Variants in TMEM127 observed in about 807,000 individuals in gnomAD.
TMEM127 encodes transmembrane protein 127.
TMEM127 carries 21 observed loss-of-function variants against 20.1 expected under a neutral mutation model. The ratio of observed to expected loss-of-function variants is 1.04; its 90% CI spans 0.74 to 1.50. The LOEUF (loss-of-function observed/expected upper bound fraction) is 1.50, where lower values mean the gene tolerates loss of function less well. Among genes scored for constraint, TMEM127 ranks in the 40% most tolerant of loss-of-function variants. The probability of loss-of-function intolerance (pLI) is 0.00; values close to 1 mark genes in which losing one functional copy is unlikely to be tolerated. For synonymous variants in TMEM127, 150 were observed against 144.7 expected, an observed-to-expected ratio of 1.04 and a Z score of -0.26; for missense variants, 303 against 317.4, an observed-to-expected ratio of 0.95 and a Z score of 0.34.
Position 96,251,831 on chromosome 2 carries a change from G to C in TMEM127, c.*1977C>G, listed in dbSNP as rs904107478. On this transcript the variant is annotated 3_prime_UTR_variant, in exon 4 of 4. Coordinates refer to ENST00000258439, the MANE Select transcript of TMEM127 (RefSeq NM_017849.4). ...TAAAAAGTGGGTTCCGGATCGTGCG[G>C]AACAGTCCACAGGGTCATTTACAGG... 2 of 233,200 alleles carry C rather than the reference G, an allele frequency of 8.6e-6. No individual in the cohort carries two copies. Among genetic ancestry groups the C allele is most frequent in the Non-Finnish European group, 1.7e-5 (2 of 117,828 alleles). 14.4% of individuals were successfully genotyped at this position (233,200 alleles called of 1,614,324 possible).
At chr2:96,259,007 C>T (rs1246491729) in intron 2 of TMEM127, among the ~76,000 whole-genome samples, 1 of 152,144 alleles carries the variant, frequency 6.6e-6, no homozygotes, top group Non-Finnish European at 1.5e-5. Flanking sequence ...ATTTGATTAT[C>T]CTTAAAAATG....
rs555968113 is a variant in TMEM127, at chr2:96,251,637, G to A, written c.*2171C>T. ...GACAGAAAAATGACAGGCAGCCATTGTCATTTCCATTCTTATTCGTGGTTT... is the reference window on the plus strand; with the variant it reads ...GACAGAAAAATGACAGGCAGCCATTATCATTTCCATTCTTATTCGTGGTTT... On this transcript the variant is annotated 3_prime_UTR_variant, in exon 4 of 4. Transcript: ENST00000258439. The A allele has an allele frequency of 2.1e-5, 5 of 233,040 alleles. No homozygotes were observed. The East Asian group carries it at 3.0e-4, about 14-fold the overall frequency. The allele number at this position is 233,040 out of a possible 1,614,324, so 14.4% of individuals were successfully genotyped here.
chr2:96,250,256 G>A lies in TMEM127; in HGVS notation c.*3552C>T, dbSNP rs1684060024. On this transcript the variant is annotated 3_prime_UTR_variant, in exon 4 of 4. Transcript: ENST00000258439. ...CTAACCTCGGCTCTTACCACCTCCT[G>A]GCCACCAGTGTGCTTTTGCTCTTGC... 1 of 232,966 alleles carries A rather than the reference G, an allele frequency of 4.3e-6. No individual in the cohort carries two copies. The highest frequency in any genetic ancestry group is 1.8e-4 in the South Asian group (1 of 5,526). The allele number at this position is 232,966 out of a possible 1,614,324, so 14.4% of individuals were successfully genotyped here.
At position 96,252,944 on chromosome 2, in the gene TMEM127, C is replaced by T. The variant is rs1459369998; in HGVS notation, c.*864G>A. On this transcript the variant is annotated 3_prime_UTR_variant, in exon 4 of 4. Coordinates refer to ENST00000258439, the MANE Select transcript of TMEM127 (RefSeq NM_017849.4). This position sits in a 1 kb window ranked among gnomAD's most constrained non-coding sequence, Gnocchi z 4.2. ...CCATGGGCTTGGAAGGAGCTACAGC[C>T]CCAAATATTGCAGAGCCAAAAGGAA... 3.0e-5 allele frequency: 7 copies of T among 233,158 alleles called. No homozygotes were observed. Among genetic ancestry groups the T allele is most frequent in the Non-Finnish European group, 5.9e-5 (7 of 118,082 alleles). 14.4% of individuals were successfully genotyped at this position (233,158 alleles called of 1,614,324 possible).
chr2:96,252,513 C>G lies in TMEM127; in HGVS notation c.*1295G>C, dbSNP rs1684114457. On this transcript the variant is annotated 3_prime_UTR_variant, in exon 4 of 4. Coordinates refer to ENST00000258439, the MANE Select transcript of TMEM127 (RefSeq NM_017849.4). The surrounding 1 kb of genome is among the most constrained non-coding windows in gnomAD (Gnocchi z 4.2). ...AGAGTGATGGCTGAGCAAGAAAGTC[C>G]CAGCAGCACACTGCAAGACCAGAGT... is the stretch of plus-strand genomic sequence containing the variant. The G allele has an allele frequency of 4.3e-6, 1 of 233,716 alleles. No homozygotes were observed. The highest frequency in any genetic ancestry group is 5.6e-5 in the Admixed American group (1 of 17,776). 14.5% of individuals were successfully genotyped at this position (233,716 alleles called of 1,614,324 possible).
At position 96,249,091 on chromosome 2, in the gene TMEM127, GGTGTGTGTGTGT is replaced by G. The variant is rs71301417; in HGVS notation, c.*4705_*4716del. ...GTGAGGAACCTGTGTGTGTGTGTGTGGTGTGTGTGTGTGTGTGTGTGTGTGTTTGAGATGGAG... is the reference window on the plus strand; with the variant it reads ...GTGAGGAACCTGTGTGTGTGTGTGTGGTGTGTGTGTGTGTTTGAGATGGAG... On this transcript the variant is annotated 3_prime_UTR_variant, in exon 4 of 4. Coordinates refer to ENST00000258439, the MANE Select transcript of TMEM127 (RefSeq NM_017849.4). The G allele has an allele frequency of 3.5e-5, 7 of 198,098 alleles. No homozygotes were observed. The highest frequency in any genetic ancestry group is 1.4e-4 in the African/African-American group (6 of 42,466). The allele number at this position is 198,098 out of a possible 1,614,324, so 12.3% of individuals were successfully genotyped here.
In TMEM127 at chr2:96,251,725, G is replaced by A. The variant is rs1051658517; in HGVS notation, c.*2083C>T. The A allele has an allele frequency of 4.3e-6, 1 of 232,724 alleles. No homozygotes were observed. The highest frequency in any genetic ancestry group is 2.2e-5 in the African/African-American group (1 of 45,220). The allele number at this position is 232,724 out of a possible 1,614,324, so 14.4% of individuals were successfully genotyped here. A position where few individuals can be genotyped will look rare whatever the true frequency, so the allele number is the denominator to read the frequency against. ...TCTAGAAAAAAAAACACAACCCGGG[G>A]AATTTATATGACAAACTATCAGTGT... On this transcript the variant is annotated 3_prime_UTR_variant, in exon 4 of 4. Transcript: ENST00000258439.
chr2:96,257,542 T>A (rs1558753766), intron 2 of TMEM127, among the ~76,000 whole-genome samples: 1 of 152,068 alleles, frequency 6.6e-6, no homozygotes, highest in Non-Finnish European at 1.5e-5. Flanking sequence ...CTGCAAAAGC[T>A]CCCAGAAGCA....
chr2:96,255,922 A>G (rs1179362385), intron 2 of TMEM127, among the ~76,000 whole-genome samples: 1 of 152,036 alleles, frequency 6.6e-6, no homozygotes, highest in African/African-American at 2.4e-5. Flanking sequence ...ACTGTAAGCT[A>G]TAATCACACC....
At position 96,265,203 on chromosome 2, in the gene TMEM127, G is replaced by T. The variant is rs1171618626; in HGVS notation, c.179C>A (p.Thr60Asn). The change falls in exon 2 of 4, where the codon ACC becomes AAC. Residue 60 changes from threonine (T) to asparagine (N), a missense_variant. Physicochemically the swap from Thr to Asn is moderately conservative, Grantham distance 65. Transcript: ENST00000258439. ...GACCCCCAGCTCCTGGCGCGAACAG[G>T]TGCCTCCGTGGATGTGCAACCAGGC... ...EPAWLHIHGG[T>N]CSRQELGVSD... The T allele has an allele frequency of 3.1e-6, 5 of 1,607,980 alleles. No homozygotes were observed. The highest frequency in any genetic ancestry group is 2.2e-5 in the East Asian group (1 of 44,752).
rs758306899 is a variant in TMEM127, at chr2:96,253,787, G to A, written c.*21C>T. 19 of 1,596,468 alleles carry A rather than the reference G, an allele frequency of 1.2e-5. No homozygotes were observed. The African/African-American group carries it at 2.4e-4, about 20-fold the overall frequency. On this transcript the variant is annotated 3_prime_UTR_variant, in exon 4 of 4. Coordinates refer to ENST00000258439, the MANE Select transcript of TMEM127 (RefSeq NM_017849.4). This position sits in a 1 kb window ranked among gnomAD's most constrained non-coding sequence, Gnocchi z 4.3. ...CAGAGTTGAGGGAGGGGCTGCCGAG[G>A]AAGAGAGCCCAGGGCTGGCATTAGG...
intron 2 of TMEM127, among the ~76,000 whole-genome samples, chr2:96,259,549 T>C (rs949014595): frequency 6.6e-6 from 1 of 152,216 alleles, no homozygotes; most frequent in Admixed American, 6.5e-5. Flanking sequence ...AAAAAAGGTT[T>C]GGGTCATTAA....
rs1684061138 is a variant in TMEM127, at chr2:96,250,326, C to A, written c.*3482G>T. ...TCCCTATCCCAGTTCACTCCCACATCAAGTGTGGCTCAAGCTGCGTCCTCC... is the reference window on the plus strand; with the variant it reads ...TCCCTATCCCAGTTCACTCCCACATAAAGTGTGGCTCAAGCTGCGTCCTCC... On this transcript the variant is annotated 3_prime_UTR_variant, in exon 4 of 4. Coordinates refer to ENST00000258439, the MANE Select transcript of TMEM127 (RefSeq NM_017849.4). 3 of 232,868 alleles carry A rather than the reference C, an allele frequency of 1.3e-5. No individual in the cohort carries two copies. The East Asian group carries it at 1.8e-4, about 14-fold the overall frequency. 14.4% of individuals were successfully genotyped at this position (232,868 alleles called of 1,614,324 possible). A position where few individuals can be genotyped will look rare whatever the true frequency, so the allele number is the denominator to read the frequency against.
intron 2 of TMEM127, among the ~76,000 whole-genome samples, chr2:96,257,357 G>T (rs766928062): frequency 5.9e-5 from 9 of 152,124 alleles, no homozygotes; most frequent in South Asian, 2.1e-4. Flanking sequence ...AGCTACTCGG[G>T]GGGCTGAGGC....
At chr2:96,263,084 C>A (rs1487221126) in intron 2 of TMEM127, among the ~76,000 whole-genome samples, 2 of 149,756 alleles carry the variant, frequency 1.3e-5, no homozygotes, top group African/African-American at 2.5e-5. Flanking sequence ...TCTTGCTCTG[C>A]TCTGTTGCCC....
In TMEM127 at chr2:96,249,935, C is replaced by CTGTGCAGTTG. The variant is rs1272211938; in HGVS notation, c.*3863_*3872dup. 1.7e-5 allele frequency: 4 copies of CTGTGCAGTTG among 233,156 alleles called. No individual in the cohort carries two copies. The highest frequency in any genetic ancestry group is 6.6e-5 in the African/African-American group (3 of 45,336). 14.4% of individuals were successfully genotyped at this position (233,156 alleles called of 1,614,324 possible). ...TTCTCGTGTGCGGGCCCCTCTTCGCCTGTGCAGTTGATGCCACCTTCCAGC... is the reference window on the plus strand; with the variant it reads ...TTCTCGTGTGCGGGCCCCTCTTCGCCTGTGCAGTTGTGTGCAGTTGATGCCACCTTCCAGC... On this transcript the variant is annotated 3_prime_UTR_variant, in exon 4 of 4. Transcript: ENST00000258439.
chr2:96,248,564 G>C lies in TMEM127; in HGVS notation c.*5244C>G. 1.9e-5 allele frequency: 4 copies of C among 213,070 alleles called. No individual in the cohort carries two copies. Among genetic ancestry groups the C allele is most frequent in the Non-Finnish European group, 2.8e-5 (3 of 105,380 alleles). The allele number at this position is 213,070 out of a possible 1,614,324, so 13.2% of individuals were successfully genotyped here. A position where few individuals can be genotyped will look rare whatever the true frequency, so the allele number is the denominator to read the frequency against. On this transcript the variant is annotated 3_prime_UTR_variant, in exon 4 of 4. Transcript: ENST00000258439. ...AAATAAAACCCATCCACCACCCCAAGGTTATTCCAGAAGGAAACTCTCCAC... is the reference window on the plus strand; with the variant it reads ...AAATAAAACCCATCCACCACCCCAACGTTATTCCAGAAGGAAACTCTCCAC...
At chr2:96,264,593 T>C (rs559433793) in intron 2 of TMEM127, among the ~76,000 whole-genome samples, 111 of 152,262 alleles carry the variant, frequency 7.3e-4, no homozygotes, top group Non-Finnish European at 1.5e-3. Flanking sequence ...ACCTTGCCTC[T>C]GTCAGGCACA....
rs1558751645 is a variant in TMEM127 at position 96,253,784 on chromosome 2, G to A, written c.*24C>T. 6 of 1,594,566 alleles carry A rather than the reference G, an allele frequency of 3.8e-6. No homozygotes were observed. The highest frequency in any genetic ancestry group is 2.2e-5 in the South Asian group (2 of 89,328). Reference sequence around the variant, plus strand: ...CTGCAGAGTTGAGGGAGGGGCTGCCGAGGAAGAGAGCCCAGGGCTGGCATT... The same window carrying A: ...CTGCAGAGTTGAGGGAGGGGCTGCCAAGGAAGAGAGCCCAGGGCTGGCATT... On this transcript the variant is annotated 3_prime_UTR_variant, in exon 4 of 4. Coordinates refer to ENST00000258439, the MANE Select transcript of TMEM127 (RefSeq NM_017849.4). The surrounding 1 kb of genome is among the most constrained non-coding windows in gnomAD (Gnocchi z 4.3).
Sources: gnomAD v4.1 joint callset for allele counts (sites outside exome capture counted in the v4.1 genomes callset) on GRCh38, gnomAD v4.1.1 for gene constraint, Gnocchi (gnomAD v3.1) non-coding constraint, MANE v1.5 for transcripts, NCBI Gene and HGNC (gene_info 2026-07-23, HGNC 2026-07-21) for gene names.